The following RPP40 variants were observed in gnomAD, a reference collection of about 807,000 sequenced individuals.
The protein encoded by RPP40 is ribonuclease P protein subunit p40.
A neutral mutation model predicts 42.5 loss-of-function variants in RPP40; 30 were observed. The observed-to-expected ratio is 0.71, with a 90% CI of 0.53 to 0.96. RPP40 has a LOEUF of 0.96. Ranked by LOEUF, RPP40 falls within the 40% of genes least tolerant of loss-of-function variation. The pLI is 0.00. For missense variants in RPP40, 426 were observed against 433.5 expected, an observed-to-expected ratio of 0.98 and a Z score of 0.15; for synonymous variants, 173 against 164.0, an observed-to-expected ratio of 1.05 and a Z score of -0.42.
downstream of RPP40, among the ~76,000 whole-genome samples, chr6:4,991,417 A>T (rs1184462648): frequency 6.6e-6 from 1 of 152,184 alleles, no homozygotes; most frequent in African/African-American, 2.4e-5. Flanking sequence ...GAACAGCTAA[A>T]AATTTTTCTC....
At chr6:4,996,451 A>G in intron 5 of RPP40, 31 bp from the exon 6 acceptor site, 1 of 1,606,928 alleles carries the variant, frequency 6.2e-7, no homozygotes, top group Non-Finnish European at 8.5e-7. Context: ...GGCCATTTGA[A>G]TCCATCTGAC....
intron 2 of RPP40, chr6:5,001,141 A>G (rs1326931105): frequency 2.2e-6 from 1 of 456,768 alleles, no homozygotes; most frequent in Non-Finnish European, 4.4e-6. Flanking sequence ...CTAGATAAAC[A>G]TACACCTCTC....
chr6:4,988,565 A>G, the RPP40 span, among the ~76,000 whole-genome samples: 2 of 152,234 alleles, frequency 1.3e-5, no homozygotes, highest in African/African-American at 4.8e-5. Flanking sequence ...TGTTATATAA[A>G]TGGAATCATA....
In RPP40 at chr6:5,002,189, G is replaced by A. The variant is rs1016819457; in HGVS notation, c.180C>T (p.Val60=). 6.2e-7 allele frequency: 1 copy of A among 1,612,810 alleles called. No homozygotes were observed. Among genetic ancestry groups the A allele is most frequent in the African/African-American group, 1.3e-5 (1 of 74,898 alleles). Residue 60 remains valine (V), a synonymous_variant, in exon 2 of 8, where the codon GTC becomes GTT. Transcript: ENST00000380051. ...GILSEELKNL[V]MNTGPYYFVK... ...CAAAGTAATAGGGTCCAGTGTTCAT[G>A]ACCAGGTTTTTCAGTTCTTCCGATA...
At chr6:4,991,238 C>T (rs1417561445), downstream of RPP40, among the ~76,000 whole-genome samples, 3 of 151,872 alleles carry the variant, frequency 2.0e-5, no homozygotes, top group Non-Finnish European at 2.9e-5. Flanking sequence ...AATTTAATTC[C>T]GTTGTGGCCA....
At chr6:4,999,986 G>A in intron 3 of RPP40, 82 bp from the exon 4 acceptor site, 2 of 787,226 alleles carry the variant, frequency 2.5e-6, no homozygotes, top group Non-Finnish European at 4.4e-6. Flanking sequence ...GGCAAATTGA[G>A]CAGTTAGATA....
Position 4,995,296 on chromosome 6 carries a change from T to TA in RPP40, c.894-21dup. 1 of 1,576,290 alleles carries TA rather than the reference T, an allele frequency of 6.3e-7. No individual in the cohort carries two copies. Among genetic ancestry groups the TA allele is most frequent in the Non-Finnish European group, 8.7e-7 (1 of 1,150,952 alleles). Reference sequence around the variant, plus strand: ...TAGTGACTGAAAAAAAGGTAGTTGTTAAACAGAGTTTTAAAAGAGAGTTAG... The same window carrying TA: ...TAGTGACTGAAAAAAAGGTAGTTGTTAAAACAGAGTTTTAAAAGAGAGTTAG... On this transcript the variant is annotated intron_variant, in intron 7 of 7. Transcript: ENST00000380051.
intron 5 of RPP40, 81 bp downstream of exon 5, chr6:4,998,635 C>A: frequency 1.1e-6 from 1 of 924,456 alleles, no homozygotes; most frequent in Non-Finnish European, 1.6e-6. Context: ...GAGTGAATCA[C>A]CATTCAATCC....
At chr6:5,003,654 G>T in intron 1 of RPP40, 1 of 503,990 alleles carries the variant, frequency 2.0e-6, no homozygotes, top group Non-Finnish European at 3.4e-6. Flanking sequence ...TCCAGACTGG[G>T]TACCGCCCCC....
At position 4,998,724 on chromosome 6, in the gene RPP40, T is replaced by C. The variant is rs146507302; in HGVS notation, c.551A>G (p.His184Arg). ...PLKFDFLLAW[H>R]KTGSEESTMM... ...TAATTTATTCCTCATACCTGTTTTA[T>C]GCCAAGCCAAAAGAAAATCAAATTT... Residue 184 changes from histidine to arginine, a missense_variant, in exon 5 of 8, where the codon CAT becomes CGT. Physicochemically the swap from His to Arg is conservative, Grantham distance 29. Transcript: ENST00000380051. The C allele has an allele frequency of 1.0e-4, 155 of 1,549,246 alleles. No individual in the cohort carries two copies. In the African/African-American group the frequency reaches 1.8e-3, roughly 18 times the overall value.
chr6:4,988,762 C>T, the RPP40 span, among the ~76,000 whole-genome samples: 1 of 152,188 alleles, frequency 6.6e-6, no homozygotes, highest in African/African-American at 2.4e-5. Context: ...GCTCATTACA[C>T]ATAAAGCTGC....
chr6:5,002,050 C>T, intron 2 of RPP40, 51 bp downstream of exon 2: 1 of 1,549,574 alleles, frequency 6.5e-7, no homozygotes, highest in Non-Finnish European at 8.8e-7. Context: ...ATGTGGTCTC[C>T]CTACCCTTCC....
At chr6:5,001,858 G>A (rs1759567608) in intron 2 of RPP40, 5 of 387,526 alleles carry the variant, frequency 1.3e-5, no homozygotes, top group East Asian at 8.7e-5. Flanking sequence ...TTAAGGGGAC[G>A]GATACTGTCA....
At chr6:4,988,912 T>A in the RPP40 span, among the ~76,000 whole-genome samples, 2 of 152,226 alleles carry the variant, frequency 1.3e-5, no homozygotes, top group Non-Finnish European at 2.9e-5. Context: ...TCTGAATGGC[T>A]GTGAAATTAT....
At chr6:4,996,628 T>C (rs548310623) in intron 5 of RPP40, among the ~76,000 whole-genome samples, 3 of 152,362 alleles carry the variant, frequency 2.0e-5, no homozygotes, top group Non-Finnish European at 4.4e-5. Context: ...TTTCACACTT[T>C]TCCTGGAAAA....
chr6:5,000,075 A>G (rs920056011), intron 3 of RPP40, among the ~76,000 whole-genome samples, 171 bp from the exon 4 acceptor site: 3 of 152,244 alleles, frequency 2.0e-5, no homozygotes, highest in Admixed American at 1.3e-4. Flanking sequence ...CTTGTAACAG[A>G]TATTATTTAT....
chr6:4,990,450 T>G (rs1371806931), downstream of RPP40, among the ~76,000 whole-genome samples: 2 of 152,162 alleles, frequency 1.3e-5, 1 homozygote. Context: ...TGGCCTCAGA[T>G]AATGAGGTGG....
At chr6:4,997,144 C>T (rs777613607) in intron 5 of RPP40, among the ~76,000 whole-genome samples, 4 of 152,084 alleles carry the variant, frequency 2.6e-5, no homozygotes, top group East Asian at 1.9e-4. Context: ...TGGTGATATT[C>T]GGTGTGATGG....
chr6:4,988,469 C>T, the RPP40 span, among the ~76,000 whole-genome samples: 4 of 152,180 alleles, frequency 2.6e-5, no homozygotes, highest in Non-Finnish European at 4.4e-5. Context: ...GTTACAGCCA[C>T]ACTGACCCCT....
Sources: gnomAD v4.1 joint callset for allele counts (sites outside exome capture counted in the v4.1 genomes callset) on GRCh38, gnomAD v4.1.1 for gene constraint, MANE v1.5 for transcripts, NCBI Gene and HGNC (gene_info 2026-07-23, HGNC 2026-07-21) for gene names.